PSIP1: variants seen among roughly 807,000 people sequenced by gnomAD.
The protein encoded by PSIP1 is PC4 and SFRS1-interacting protein.
PSIP1 carries 19 observed loss-of-function variants against 74.7 expected under a neutral mutation model. The ratio of observed to expected loss-of-function variants is 0.25; its 90% CI spans 0.18 to 0.37. The LOEUF (loss-of-function observed/expected upper bound fraction) is 0.37, where lower values mean the gene tolerates loss of function less well. Ranked by LOEUF, PSIP1 falls within the 10% of genes least tolerant of loss-of-function variation. PSIP1 has a pLI of 1.00. For missense variants in PSIP1, 601 were observed against 614.3 expected (o/e 0.98, Z 0.23); for synonymous variants, 222 against 195.3 (o/e 1.14, Z -1.14).
intron 12 of PSIP1, 42 bp downstream of exon 12, chr9:15,469,224 A>T: frequency 7.3e-7 from 1 of 1,366,864 alleles, no homozygotes; most frequent in Non-Finnish European, 1.0e-6. Context: ...AGATGAAGCT[A>T]TAAATGCAGT....
chr9:15,497,375 G>C (rs1397216843), intron 3 of PSIP1, among the ~76,000 whole-genome samples: 1 of 139,286 alleles, frequency 7.2e-6, no homozygotes, highest in African/African-American at 3.0e-5. Context: ...TCAGGCTGGA[G>C]TGCAATGGTG....
rs138162305 is a variant in PSIP1 at position 15,497,177 on chromosome 9, T to C, written c.150-7053A>G. Among the ~76,000 whole-genome samples the C allele has an allele frequency of 4.5e-3, 681 of 151,296 alleles. 1 individual carries two copies. Among genetic ancestry groups the C allele is most frequent in the Non-Finnish European group, 7.3e-3 (497 of 67,994 alleles). ...AAATGTCTATCAAGTGATGAATAAA[T>C]ATGGTAAATCAATATAATGGAATAT... On this transcript the variant is annotated intron_variant, in intron 3 of 15. Transcript: ENST00000380733.
intron 3 of PSIP1, among the ~76,000 whole-genome samples, chr9:15,494,329 G>A (rs983763081): frequency 2.0e-5 from 3 of 152,050 alleles, no homozygotes; most frequent in Non-Finnish European, 2.9e-5. Flanking sequence ...CACTTGGGAG[G>A]CCTAGCAGGG....
chr9:15,501,262 T>C (rs1286540355), intron 3 of PSIP1, among the ~76,000 whole-genome samples: 1 of 151,994 alleles, frequency 6.6e-6, no homozygotes, highest in African/African-American at 2.4e-5. Context: ...CTTTATCTAG[T>C]GCACAAAGCT....
chr9:15,501,113 A>G (rs2037322655), intron 3 of PSIP1, among the ~76,000 whole-genome samples: 1 of 151,994 alleles, frequency 6.6e-6, no homozygotes, highest in Non-Finnish European at 1.5e-5. Flanking sequence ...AATGACAAAG[A>G]AAAAAAACAC....
chr9:15,500,007 T>C (rs2037258117), intron 3 of PSIP1, among the ~76,000 whole-genome samples: 1 of 152,138 alleles, frequency 6.6e-6, no homozygotes, highest in Non-Finnish European at 1.5e-5. Flanking sequence ...AACAACATAT[T>C]GATTCTAACT....
chr9:15,508,952 C>A (rs1286161183), intron 2 of PSIP1, among the ~76,000 whole-genome samples: 1 of 152,134 alleles, frequency 6.6e-6, no homozygotes, highest in Non-Finnish European at 1.5e-5. Flanking sequence ...AAAAGGCAGA[C>A]TTTATAGGCA....
intron 3 of PSIP1, among the ~76,000 whole-genome samples, chr9:15,496,126 C>T (rs2037061120): frequency 6.6e-6 from 1 of 152,134 alleles, no homozygotes; most frequent in African/African-American, 2.4e-5. Flanking sequence ...ATTATATGCA[C>T]CTGTCATTTA....
intron 15 of PSIP1, 136 bp from the exon 16 acceptor site, chr9:15,465,716 G>T: frequency 3.1e-6 from 2 of 651,080 alleles, no homozygotes; most frequent in Non-Finnish European, 2.6e-6. Context: ...AACTTGACTT[G>T]TTATTAGAAC....
chr9:15,501,695 A>G (rs1218565017), intron 3 of PSIP1, among the ~76,000 whole-genome samples: 3 of 151,992 alleles, frequency 2.0e-5, no homozygotes, highest in Non-Finnish European at 4.4e-5. Flanking sequence ...GAAGGTTTTC[A>G]GTGAAATGAC....
chr9:15,505,751 G>A (rs1231452179), intron 3 of PSIP1: 2 of 152,174 alleles, frequency 1.3e-5, no homozygotes, highest in Admixed American at 1.3e-4. Flanking sequence ...AGCTATTAAA[G>A]ACATTGTGTG....
chr9:15,503,127 G>T (rs1230220915), intron 3 of PSIP1, among the ~76,000 whole-genome samples: 1 of 152,228 alleles, frequency 6.6e-6, no homozygotes, highest in African/African-American at 2.4e-5. Context: ...AGCACTTTGG[G>T]AGGCCAAGGC....
At position 15,478,540 on chromosome 9, in the gene PSIP1, T is replaced by C. The variant is rs773561984; in HGVS notation, c.566A>G (p.Lys189Arg). Residue 189 changes from lysine to arginine, a missense_variant, in exon 8 of 16, where the codon AAG becomes AGG. Coordinates refer to ENST00000380733, the MANE Select transcript of PSIP1 (RefSeq NM_033222.5). ...KRGRPAATEV[K>R]IPKPRGRPKM... ...GGGTCTGCCTCTTGGTTTTGGAATC[T>C]TGACTTCTGTAGCTAATATACACAT... 10 of 1,600,074 alleles carry C rather than the reference T, an allele frequency of 6.2e-6. No individual in the cohort carries two copies. Among genetic ancestry groups the C allele is most frequent in the Non-Finnish European group, 8.6e-6 (10 of 1,167,618 alleles).
chr9:15,480,681 G>T (rs890722869), intron 6 of PSIP1, among the ~76,000 whole-genome samples: 1 of 152,226 alleles, frequency 6.6e-6, no homozygotes, highest in African/African-American at 2.4e-5. Flanking sequence ...CAGCATTTTG[G>T]GAGGCCAAGG....
At chr9:15,486,581 C>G (rs1000292717) in intron 5 of PSIP1, among the ~76,000 whole-genome samples, 1 of 152,198 alleles carries the variant, frequency 6.6e-6, no homozygotes, top group Non-Finnish European at 1.5e-5. Context: ...CCGCACCCTA[C>G]AGTTGGACTT....
chr9:15,489,680 G>T (rs951188521), intron 4 of PSIP1, among the ~76,000 whole-genome samples: 1 of 150,422 alleles, frequency 6.6e-6, no homozygotes, highest in Admixed American at 6.6e-5. Context: ...CATACACCAT[G>T]TAAGTCGCAA....
chr9:15,473,327 A>C (rs1036744335), intron 9 of PSIP1, among the ~76,000 whole-genome samples: 2 of 152,176 alleles, frequency 1.3e-5, no homozygotes, highest in Admixed American at 6.6e-5. Flanking sequence ...AAAAATCTCT[A>C]TATAAATCCA....
chr9:15,468,766 C>G lies in PSIP1; in HGVS notation c.1284G>C (p.Leu428Phe). Residue 428 changes from leucine (L) to phenylalanine (F), a missense_variant, in exon 14 of 16, where the codon TTG (leucine) becomes TTC (phenylalanine). Physicochemically the swap from Leu to Phe is conservative, Grantham distance 22. Coordinates refer to ENST00000380733, the MANE Select transcript of PSIP1 (RefSeq NM_033222.5). The stretch of plus-strand genomic sequence containing the variant: ...TGATCACGGAATCTCCTTCACCAAC[C>G]AAGAACATGTTCTTAAACTTGTTAT... ...MLYNKFKNMF[L>F]VGEGDSVITQ... 1.2e-6 allele frequency: 2 copies of G among 1,613,956 alleles called. No homozygotes were observed. Among genetic ancestry groups the G allele is most frequent in the Non-Finnish European group, 1.7e-6 (2 of 1,179,896 alleles).
Position 15,510,866 on chromosome 9 carries a change from A to T in PSIP1, c.-191T>A, listed in dbSNP as rs971112658. On this transcript the variant is annotated 5_prime_UTR_variant, in exon 1 of 16. Coordinates refer to ENST00000380733, the MANE Select transcript of PSIP1 (RefSeq NM_033222.5). ...CTGCGGTTGCTGGCCGGTCGCCTCT[A>T]CCCGCGTCCACGCAAGCCACCTGCG... 6.6e-6 allele frequency: 1 copy of T among 151,924 alleles called. No individual in the cohort carries two copies. The highest frequency in any genetic ancestry group is 6.6e-5 in the Admixed American group (1 of 15,262). The allele number at this position is 151,924 out of a possible 1,614,324, so 9.4% of individuals were successfully genotyped here. A position where few individuals can be genotyped will look rare whatever the true frequency, so the allele number is the denominator to read the frequency against.
Sources: gnomAD v4.1 joint callset for allele counts (sites outside exome capture counted in the v4.1 genomes callset) on GRCh38, gnomAD v4.1.1 for gene constraint, MANE v1.5 for transcripts, NCBI Gene and HGNC (gene_info 2026-07-23, HGNC 2026-07-21) for gene names.